GRM7: variants seen among roughly 807,000 people sequenced by gnomAD.
GRM7 encodes the protein metabotropic glutamate receptor 7.
A neutral mutation model predicts 84.5 loss-of-function variants in GRM7; 35 were observed. The observed-to-expected ratio is 0.41, with a 90% CI of 0.32 to 0.55. The LOEUF (loss-of-function observed/expected upper bound fraction) is 0.55, where lower values mean the gene tolerates loss of function less well. Ranked by LOEUF, GRM7 falls within the 20% of genes least tolerant of loss-of-function variation. The pLI, the probability that GRM7 is intolerant of heterozygous loss-of-function variation, is 0.19. For synonymous variants in GRM7, 487 were observed against 455.1 expected (o/e 1.07, Z -0.89); for missense variants, 1,003 against 1,194.6 (o/e 0.84, Z 2.36).
chr3:7,166,918 G>A (rs1694817864), intron 2 of GRM7, among the ~76,000 whole-genome samples: 1 of 152,078 alleles, frequency 6.6e-6, no homozygotes, highest in Admixed American at 6.6e-5. Context: ...ACAATGTCTT[G>A]TAAATCATGA....
At chr3:7,168,062 T>C (rs1251651194) in intron 2 of GRM7, among the ~76,000 whole-genome samples, 2 of 150,116 alleles carry the variant, frequency 1.3e-5, no homozygotes, top group African/African-American at 4.9e-5. Context: ...ACTCACTCTT[T>C]CATGAGCTCA....
At chr3:7,408,734 C>T (rs1040406493) in intron 4 of GRM7, among the ~76,000 whole-genome samples, 3 of 152,158 alleles carry the variant, frequency 2.0e-5, no homozygotes, top group Non-Finnish European at 4.4e-5. Context: ...GTCCTGAGAG[C>T]GCAGCACATG....
chr3:7,352,279 T>G (rs1040920279), intron 4 of GRM7, among the ~76,000 whole-genome samples: 2 of 152,126 alleles, frequency 1.3e-5, no homozygotes, highest in African/African-American at 2.4e-5. Context: ...CATTTGATAT[T>G]CCTAATCACT....
chr3:7,381,841 A>G (rs577243862), intron 4 of GRM7, among the ~76,000 whole-genome samples: 55 of 152,270 alleles, frequency 3.6e-4, no homozygotes, highest in African/African-American at 1.3e-3. Context: ...AGAATCAATC[A>G]TTTCTGAGTT....
intron 1 of GRM7, among the ~76,000 whole-genome samples, chr3:7,093,509 C>T (rs1358159217): frequency 6.6e-6 from 1 of 151,080 alleles, no homozygotes; most frequent in African/African-American, 2.4e-5. Context: ...GAAACCCCGT[C>T]TCTAATAAAA....
At chr3:7,434,499 G>GTGAATGTGTCAAATGGA (rs1696962304) in intron 5 of GRM7, among the ~76,000 whole-genome samples, 2 of 152,130 alleles carry the variant, frequency 1.3e-5, no homozygotes, top group African/African-American at 4.8e-5. Flanking sequence ...TTTGTTATGG[G>GTGAATGTGTCAAATGGA]TGAATGTGTC....
intron 8 of GRM7, among the ~76,000 whole-genome samples, chr3:7,651,801 G>C (rs1698952568): frequency 6.6e-6 from 1 of 152,168 alleles, no homozygotes; most frequent in African/African-American, 2.4e-5. Context: ...CTTAATGGAT[G>C]TGGTCCGAAG....
chr3:6,922,205 C>T (rs1575017718), intron 1 of GRM7, among the ~76,000 whole-genome samples: 1 of 152,212 alleles, frequency 6.6e-6, no homozygotes, highest in Admixed American at 6.5e-5. Flanking sequence ...ACTACTTAAA[C>T]TTCCTCACCT....
At chr3:7,676,791 A>G (rs572441659) in intron 8 of GRM7, among the ~76,000 whole-genome samples, 6 of 152,324 alleles carry the variant, frequency 3.9e-5, no homozygotes, top group South Asian at 2.1e-4. Context: ...GTATTGTAAC[A>G]TGCTGTAAAG....
At chr3:6,927,543 GTAGT>G (rs1222281672) in intron 1 of GRM7, among the ~76,000 whole-genome samples, 2 of 151,142 alleles carry the variant, frequency 1.3e-5, no homozygotes, top group Admixed American at 1.3e-4. Context: ...AAGAAATCTA[GTAGT>G]TAAATTAGGA....
intron 1 of GRM7, among the ~76,000 whole-genome samples, chr3:7,034,433 T>A (rs1483651008): frequency 6.6e-6 from 1 of 152,176 alleles, no homozygotes; most frequent in East Asian, 1.9e-4. Flanking sequence ...CCAAAGCATT[T>A]ACTAGATGAT....
intron 4 of GRM7, among the ~76,000 whole-genome samples, chr3:7,383,416 A>T (rs1694664117): frequency 6.6e-6 from 1 of 152,208 alleles, no homozygotes; most frequent in African/African-American, 2.4e-5. Context: ...ATCCAAACAG[A>T]TATTTAAAAA....
intron 1 of GRM7, among the ~76,000 whole-genome samples, chr3:6,935,765 G>T (rs911582072): frequency 1.3e-5 from 2 of 151,242 alleles, no homozygotes; most frequent in Non-Finnish European, 2.9e-5. Flanking sequence ...GTGAGATCTT[G>T]GCTCACTGCA....
At chr3:7,526,150 T>A (rs1009594193) in intron 7 of GRM7, among the ~76,000 whole-genome samples, 3 of 152,182 alleles carry the variant, frequency 2.0e-5, no homozygotes, top group Admixed American at 1.3e-4. Flanking sequence ...TCTGAACTAA[T>A]CATGCCAACA....
intron 1 of GRM7, among the ~76,000 whole-genome samples, chr3:6,891,985 A>G (rs765573831): frequency 2.0e-5 from 3 of 151,820 alleles, no homozygotes; most frequent in Non-Finnish European, 4.4e-5. Flanking sequence ...CATTCATTTC[A>G]TCTTCCATCA....
intron 1 of GRM7, among the ~76,000 whole-genome samples, chr3:7,142,236 AAAT>A (rs1213786177): frequency 6.6e-6 from 1 of 152,138 alleles, no homozygotes; most frequent in Non-Finnish European, 1.5e-5. Context: ...TTTTAATAAT[AAAT>A]AATATTTATA....
chr3:6,989,047 A>G, intron 1 of GRM7, among the ~76,000 whole-genome samples: 1 of 152,240 alleles, frequency 6.6e-6, no homozygotes, highest in Non-Finnish European at 1.5e-5. Flanking sequence ...ATCTTTCAGC[A>G]TAAAAATGTG....
chr3:7,633,867 C>T (rs1276073411), intron 8 of GRM7, among the ~76,000 whole-genome samples: 1 of 152,096 alleles, frequency 6.6e-6, no homozygotes, highest in African/African-American at 2.4e-5. Context: ...TTAATTACAT[C>T]CCAACAGATA....
chr3:7,246,328 TAGGC>T (rs2124930154), intron 2 of GRM7, among the ~76,000 whole-genome samples: 2 of 152,186 alleles, frequency 1.3e-5, no homozygotes, highest in South Asian at 4.2e-4. Context: ...GCCTTAAATT[TAGGC>T]TTTCCTTAGT....
Sources: allele counts gnomAD v4.1 joint callset (sites outside exome capture counted in the v4.1 genomes callset), GRCh38; gene constraint gnomAD v4.1.1; transcripts MANE v1.5; gene names NCBI Gene and HGNC (gene_info 2026-07-23, HGNC 2026-07-21).